The following ATP6V1C2 variants were observed in gnomAD, a reference collection of about 807,000 sequenced individuals.
ATP6V1C2 encodes V-type proton ATPase subunit C 2.
A neutral mutation model predicts 56.8 loss-of-function variants in ATP6V1C2; 45 were observed. The ratio of observed to expected loss-of-function variants is 0.79; its 90% CI spans 0.62 to 1.02. The LOEUF is 1.02. Among genes scored for constraint, ATP6V1C2 ranks in the 50% least tolerant of loss-of-function variants. The probability of loss-of-function intolerance (pLI) is 0.00; values close to 1 mark genes in which losing one functional copy is unlikely to be tolerated. For missense variants in ATP6V1C2, 463 were observed against 519.7 expected (o/e 0.89, Z 1.06); for synonymous variants, 220 against 201.3 (o/e 1.09, Z -0.79).
intron 3 of ATP6V1C2, among the ~76,000 whole-genome samples, chr2:10,739,152 G>A (rs1167641193): frequency 6.6e-6 from 1 of 152,052 alleles, no homozygotes; most frequent in East Asian, 1.9e-4. Flanking sequence ...GCATTGTGGC[G>A]CATGCCTGCA....
chr2:10,724,650 T>G (rs551794591), intron 2 of ATP6V1C2, among the ~76,000 whole-genome samples: 3 of 151,040 alleles, frequency 2.0e-5, no homozygotes, highest in South Asian at 4.2e-4. Flanking sequence ...GTAGAGATAT[T>G]CAGGCTTCAT....
intron 4 of ATP6V1C2, among the ~76,000 whole-genome samples, chr2:10,762,057 C>T (rs1165733174): frequency 2.0e-5 from 3 of 152,230 alleles, no homozygotes; most frequent in African/African-American, 7.2e-5. Flanking sequence ...TCACTTTATC[C>T]TGGAATTTCC....
rs1479749820 is a variant in ATP6V1C2, at chr2:10,721,700, C to G, written c.-58C>G. On this transcript the variant is annotated 5_prime_UTR_variant, in exon 1 of 14. Transcript: ENST00000272238. Reference sequence around the variant, plus strand: ...CCCGCCGCCCGTCGCCCGCAGCCCCCTACCGCGCGGCCCGCGCCCCGCCGG... The same window carrying G: ...CCCGCCGCCCGTCGCCCGCAGCCCCGTACCGCGCGGCCCGCGCCCCGCCGG... The G allele has an allele frequency of 1.3e-5, 2 of 151,806 alleles. No homozygotes were observed. The highest frequency in any genetic ancestry group is 4.8e-5 in the African/African-American group (2 of 41,368). The allele number at this position is 151,806 out of a possible 1,614,324, so 9.4% of individuals were successfully genotyped here. A position where few individuals can be genotyped will look rare whatever the true frequency, so the allele number is the denominator to read the frequency against.
At chr2:10,725,809 G>C (rs1365293553) in intron 2 of ATP6V1C2, among the ~76,000 whole-genome samples, 2 of 151,762 alleles carry the variant, frequency 1.3e-5, no homozygotes, top group South Asian at 4.2e-4. Context: ...GCCGGGTGCA[G>C]TGGCTTGAGC....
chr2:10,775,092 C>T (rs746296939), intron 10 of ATP6V1C2, 21 bp downstream of exon 10: 4 of 1,586,892 alleles, frequency 2.5e-6, no homozygotes, highest in Non-Finnish European at 2.6e-6. Context: ...GATTGAGCAG[C>T]TCCTCCCGCC....
At chr2:10,777,825 A>G in intron 11 of ATP6V1C2, 103 bp downstream of exon 11, 5 of 1,408,280 alleles carry the variant, frequency 3.6e-6, no homozygotes, top group Non-Finnish European at 4.7e-6. Flanking sequence ...GTTCTCTAAT[A>G]TGGCTTTTGA....
At chr2:10,781,656 C>T (rs549613194) in intron 12 of ATP6V1C2, among the ~76,000 whole-genome samples, 46 of 152,218 alleles carry the variant, frequency 3.0e-4, no homozygotes, top group Middle Eastern at 3.4e-3. Flanking sequence ...ACTGAACATC[C>T]GATCCTTTGC....
chr2:10,765,968 C>A (rs757768720), intron 5 of ATP6V1C2, among the ~76,000 whole-genome samples: 1 of 152,186 alleles, frequency 6.6e-6, no homozygotes, highest in Non-Finnish European at 1.5e-5. Flanking sequence ...CAGATGTGCC[C>A]GAGACTGTGC....
intron 7 of ATP6V1C2, among the ~76,000 whole-genome samples, chr2:10,772,182 G>A (rs942115754): frequency 2.6e-5 from 4 of 152,188 alleles, no homozygotes; most frequent in Admixed American, 6.5e-5. Context: ...ATGTGTGGTC[G>A]ACATTATTTT....
intron 3 of ATP6V1C2, among the ~76,000 whole-genome samples, chr2:10,745,041 CTTTTTTTTTTT>C (rs5829274): frequency 8.8e-6 from 1 of 113,314 alleles, no homozygotes; most frequent in Non-Finnish European, 1.7e-5. Context: ...TATTTATTTT[CTTTTTTTTTTT>C]TTTTTTTCTG....
intron 2 of ATP6V1C2, among the ~76,000 whole-genome samples, chr2:10,725,337 C>T (rs1661579182): frequency 6.6e-6 from 1 of 151,362 alleles, no homozygotes; most frequent in Admixed American, 6.6e-5. Flanking sequence ...ATCACTTGAA[C>T]CTGGGAGGTG....
At chr2:10,775,689 A>C (rs1664919737) in intron 10 of ATP6V1C2, among the ~76,000 whole-genome samples, 1 of 152,188 alleles carries the variant, frequency 6.6e-6, no homozygotes, top group South Asian at 2.1e-4. Flanking sequence ...AATTGTGAGC[A>C]GGAGAGCTTT....
Position 10,783,944 on chromosome 2 carries a change from A to G in ATP6V1C2, c.*681A>G, listed in dbSNP as rs1013398965. 15 of 217,508 alleles carry G rather than the reference A, an allele frequency of 6.9e-5. No individual in the cohort carries two copies. Among genetic ancestry groups the G allele is most frequent in the Non-Finnish European group, 1.3e-4 (14 of 110,988 alleles). The allele number at this position is 217,508 out of a possible 1,614,324, so 13.5% of individuals were successfully genotyped here. A position where few individuals can be genotyped will look rare whatever the true frequency, so the allele number is the denominator to read the frequency against. ...GGATCACATTAAAAAAAACCCATAC[A>G]TAAGAAACAGCCTCCAAGAACATTC... is the stretch of plus-strand genomic sequence containing the variant. On this transcript the variant is annotated 3_prime_UTR_variant, in exon 14 of 14. Coordinates refer to ENST00000272238, the MANE Select transcript of ATP6V1C2 (RefSeq NM_001039362.2).
intron 3 of ATP6V1C2, among the ~76,000 whole-genome samples, chr2:10,737,354 C>T (rs562178420): frequency 2.7e-5 from 4 of 150,164 alleles, no homozygotes; most frequent in East Asian, 2.0e-4. Context: ...GGCTTGAACC[C>T]GGGAGGTGCA....
At chr2:10,771,670 G>C (rs1664612360) in intron 6 of ATP6V1C2, among the ~76,000 whole-genome samples, 169 bp from the exon 7 acceptor site, 1 of 152,214 alleles carries the variant, frequency 6.6e-6, no homozygotes, top group South Asian at 2.1e-4. Context: ...CCCTGGGGTT[G>C]TGGGGAGCAA....
intron 4 of ATP6V1C2, among the ~76,000 whole-genome samples, chr2:10,757,739 C>T (rs1663638451): frequency 6.6e-6 from 1 of 152,210 alleles, no homozygotes; most frequent in African/African-American, 2.4e-5. Flanking sequence ...ACTCCTGTCT[C>T]TTTCTGCATG....
chr2:10,744,669 CTT>C (rs772851204), intron 3 of ATP6V1C2, among the ~76,000 whole-genome samples: 18 of 125,536 alleles, frequency 1.4e-4, no homozygotes, highest in Non-Finnish European at 2.0e-4. Flanking sequence ...TTCTCTTTTT[CTT>C]TTTTTTTTTT....
intron 3 of ATP6V1C2, among the ~76,000 whole-genome samples, chr2:10,740,689 T>C (rs1011919748): frequency 1.3e-5 from 2 of 152,208 alleles, no homozygotes; most frequent in African/African-American, 4.8e-5. Flanking sequence ...GGGAAAACTT[T>C]CTTTTTCATT....
rs1235717284 is a variant in ATP6V1C2, at chr2:10,763,757, C to T, written c.284-574C>T. 6.6e-6 allele frequency among the ~76,000 whole-genome samples: 1 copy of T among 152,098 alleles called. No individual in the cohort carries two copies. Among genetic ancestry groups the T allele is most frequent in the Non-Finnish European group, 1.5e-5 (1 of 67,996 alleles). On this transcript the variant is annotated intron_variant, in intron 4 of 13. Transcript: ENST00000272238. The surrounding 1 kb of genome is among the most constrained non-coding windows in gnomAD (Gnocchi z 4.2). ...TAACCTGAAGAGAGCAGGCAAGGTG[C>T]CACTCCGCTGTGTCTCAGGTAGGGA...
Sources: gnomAD v4.1 joint callset for allele counts (sites outside exome capture counted in the v4.1 genomes callset) on GRCh38, gnomAD v4.1.1 for gene constraint, Gnocchi (gnomAD v3.1) non-coding constraint, MANE v1.5 for transcripts, NCBI Gene and HGNC (gene_info 2026-07-23, HGNC 2026-07-21) for gene names.